The following MRC1 variants were observed in gnomAD, a reference collection of about 807,000 sequenced individuals.
MRC1 encodes mannose receptor C-type 1.
In MRC1, 62 loss-of-function variants were observed where a neutral mutation model predicts 102.9. The ratio of observed to expected loss-of-function variants is 0.60; its 90% CI spans 0.49 to 0.74. MRC1 has a LOEUF of 0.74. Ranked by LOEUF, MRC1 falls within the 30% of genes least tolerant of loss-of-function variation. The probability of loss-of-function intolerance (pLI) is 0.00; values close to 1 mark genes in which losing one functional copy is unlikely to be tolerated. For synonymous variants in MRC1, 457 were observed against 298.4 expected, an observed-to-expected ratio of 1.53 and a Z score of -5.48; for missense variants, 1,237 against 862.8, an observed-to-expected ratio of 1.43 and a Z score of -5.43.
intron 18 of MRC1, among the ~76,000 whole-genome samples, chr10:17,878,990 G>T (rs1833475488): frequency 1.3e-5 from 2 of 152,076 alleles, no homozygotes; most frequent in African/African-American, 4.8e-5. Context: ...CATAAGTTTA[G>T]CCCACCTACA....
chr10:17,839,067 T>C (rs1248499520), intron 4 of MRC1, among the ~76,000 whole-genome samples: 1 of 152,056 alleles, frequency 6.6e-6, no homozygotes, highest in Non-Finnish European at 1.5e-5. Context: ...ATAATAATAA[T>C]AATAATGGTA....
At chr10:17,893,654 T>C (rs1833712221) in intron 22 of MRC1, among the ~76,000 whole-genome samples, 1 of 152,166 alleles carries the variant, frequency 6.6e-6, no homozygotes, top group Non-Finnish European at 1.5e-5. Flanking sequence ...GGATTTGGAA[T>C]GGCAAACACA....
chr10:17,826,925 AG>A (rs1247139755), intron 2 of MRC1, among the ~76,000 whole-genome samples: 3 of 152,222 alleles, frequency 2.0e-5, no homozygotes, highest in Non-Finnish European at 4.4e-5. Flanking sequence ...TGAGGAACTC[AG>A]GTGAAGGCTG....
At chr10:17,897,581 T>C (rs1833773351) in intron 23 of MRC1, among the ~76,000 whole-genome samples, 1 of 152,182 alleles carries the variant, frequency 6.6e-6, no homozygotes, top group African/African-American at 2.4e-5. Flanking sequence ...GTCAAACAGA[T>C]ACAAACTCAT....
intron 26 of MRC1, among the ~76,000 whole-genome samples, chr10:17,902,813 G>A (rs1269619866): frequency 6.6e-6 from 1 of 152,134 alleles, no homozygotes. Context: ...GCTTTGTACA[G>A]TGGCAGTATC....
intron 2 of MRC1, among the ~76,000 whole-genome samples, chr10:17,824,414 T>G (rs950989025): frequency 6.6e-6 from 1 of 152,222 alleles, no homozygotes; most frequent in Non-Finnish European, 1.5e-5. Context: ...GTTACGGGGC[T>G]ACTAAGATTG....
intron 14 of MRC1, among the ~76,000 whole-genome samples, chr10:17,871,168 C>T (rs1224851331): frequency 1.3e-5 from 2 of 152,040 alleles, no homozygotes; most frequent in African/African-American, 2.4e-5. Context: ...GATTAGGCTT[C>T]GTCAGACTTC....
chr10:17,826,354 C>G (rs984498765), intron 2 of MRC1, among the ~76,000 whole-genome samples: 7 of 152,140 alleles, frequency 4.6e-5, no homozygotes, highest in African/African-American at 1.7e-4. Context: ...AGGTGCCTGC[C>G]ACCATGCCCA....
At chr10:17,885,537 T>C in intron 22 of MRC1, 102 bp downstream of exon 22, 1 of 732,424 alleles carries the variant, frequency 1.4e-6, no homozygotes, top group Non-Finnish European at 2.5e-6. Flanking sequence ...AGAATACTCC[T>C]TGATCTGTTC....
intron 21 of MRC1, among the ~76,000 whole-genome samples, chr10:17,881,447 G>A (rs1210144886): frequency 2.0e-5 from 3 of 152,124 alleles, no homozygotes; most frequent in Non-Finnish European, 4.4e-5. Context: ...AGACAGCTTT[G>A]AGTGAAGGAG....
At chr10:17,840,858 C>G in intron 5 of MRC1, 52 bp downstream of exon 5, 1 of 780,498 alleles carries the variant, frequency 1.3e-6, no homozygotes, top group Non-Finnish European at 2.4e-6. Flanking sequence ...GTCATCTAGA[C>G]GCCCCGAAGA....
intron 26 of MRC1, among the ~76,000 whole-genome samples, chr10:17,905,177 C>T (rs1833879425): frequency 6.6e-6 from 1 of 152,104 alleles, no homozygotes; most frequent in East Asian, 1.9e-4. Context: ...GGCTTCTAGG[C>T]TACTGGTTTT....
intron 10 of MRC1, among the ~76,000 whole-genome samples, chr10:17,862,713 ATGT>A (rs1272297756): frequency 6.6e-6 from 1 of 152,172 alleles, no homozygotes; most frequent in African/African-American, 2.4e-5. Flanking sequence ...GTCAAATAAA[ATGT>A]TGTATTGCTG....
chr10:17,813,702 T>TA (rs1554837619), intron 1 of MRC1, among the ~76,000 whole-genome samples: 1,187 of 92,710 alleles, frequency 0.013, 6 homozygotes, highest in Non-Finnish European at 0.016. Flanking sequence ...ATATATATAT[T>TA]TTTTTTTTTT....
At position 17,827,372 on chromosome 10, in the gene MRC1, C is replaced by CAAAAAAAAAAAAAAAAAAAAAAAAAAA. The variant is rs782616938; in HGVS notation, c.464-158_464-132dup. On this transcript the variant is annotated intron_variant, in intron 2 of 29. Transcript: ENST00000569591. Reference sequence around the variant, plus strand: ...TAGAAGGAGAAGGAAAAAAAATACCCAAAAAAAAAAAAAAAAAAAAAAAAA... The same window carrying CAAAAAAAAAAAAAAAAAAAAAAAAAAA: ...TAGAAGGAGAAGGAAAAAAAATACCCAAAAAAAAAAAAAAAAAAAAAAAAAAAAAAAAAAAAAAAAAAAAAAAAAAAA... Among the ~76,000 whole-genome samples, 2 of 64,052 alleles carry CAAAAAAAAAAAAAAAAAAAAAAAAAAA rather than the reference C, an allele frequency of 3.1e-5. 1 individual carries two copies. The highest frequency in any genetic ancestry group is 6.3e-5 in the Non-Finnish European group (2 of 31,760). The allele number at this position is 64,052 out of a possible 152,430, so 42.0% of individuals were successfully genotyped here.
chr10:17,882,925 A>G (rs1288903445), intron 21 of MRC1, among the ~76,000 whole-genome samples: 3 of 152,228 alleles, frequency 2.0e-5, no homozygotes, highest in Non-Finnish European at 2.9e-5. Context: ...AGAGATGTGC[A>G]GAAGGAAACA....
In MRC1 at chr10:17,851,851, C is replaced by G. The variant is rs1356914639; in HGVS notation, c.1250-1116C>G. Among the ~76,000 whole-genome samples, 6 of 152,274 alleles carry G rather than the reference C, an allele frequency of 3.9e-5. No homozygotes were observed. The East Asian group carries it at 1.2e-3, about 29-fold the overall frequency. ...GCGCCAGGCCAGCTAGAGACTTCTC[C>G]AAAAGCAAAGTTGAATGACAACTTT... On this transcript the variant is annotated intron_variant, in intron 7 of 29. Coordinates refer to ENST00000569591, the MANE Select transcript of MRC1 (RefSeq NM_002438.4).
intron 2 of MRC1, among the ~76,000 whole-genome samples, chr10:17,826,021 A>G (rs1554838628): frequency 6.6e-6 from 1 of 152,208 alleles, no homozygotes; most frequent in Non-Finnish European, 1.5e-5. Context: ...CAAAAAAGGA[A>G]TTTTGAGGTC....
At chr10:17,821,262 T>C (rs940300576) in intron 1 of MRC1, among the ~76,000 whole-genome samples, 1 of 152,316 alleles carries the variant, frequency 6.6e-6, no homozygotes, top group East Asian at 1.9e-4. Flanking sequence ...TAAGACAGCA[T>C]TTAATGCGTA....
Sources: gnomAD v4.1 joint callset for allele counts (sites outside exome capture counted in the v4.1 genomes callset) on GRCh38, gnomAD v4.1.1 for gene constraint, MANE v1.5 for transcripts, NCBI Gene and HGNC (gene_info 2026-07-23, HGNC 2026-07-21) for gene names.